OIT3: variants seen among roughly 807,000 people sequenced by gnomAD.
OIT3 encodes the protein oncoprotein-induced transcript 3 protein.
A neutral mutation model predicts 52.2 loss-of-function variants in OIT3; 41 were observed. The observed-to-expected ratio is 0.79, with a 90% CI of 0.61 to 1.02. The LOEUF (loss-of-function observed/expected upper bound fraction) is 1.02, where lower values mean the gene tolerates loss of function less well. OIT3 is among the 50% of genes least tolerant of loss of function. The probability of loss-of-function intolerance (pLI) is 0.00; values close to 1 mark genes in which losing one functional copy is unlikely to be tolerated. For missense variants in OIT3, 634 were observed against 715.5 expected, an observed-to-expected ratio of 0.89 and a Z score of 1.30; for synonymous variants, 244 against 276.9, an observed-to-expected ratio of 0.88 and a Z score of 1.18.
intron 6 of OIT3, among the ~76,000 whole-genome samples, chr10:72,919,643 C>T (rs892242299): frequency 1.3e-5 from 2 of 151,946 alleles, no homozygotes; most frequent in African/African-American, 2.4e-5. Context: ...GTTTATTGAG[C>T]GTTTTTAACA....
chr10:72,913,440 C>T lies in OIT3; in HGVS notation c.923C>T (p.Ser308Phe). The T allele has an allele frequency of 6.2e-7, 1 of 1,612,376 alleles. No homozygotes were observed. Among genetic ancestry groups the T allele is most frequent in the Middle Eastern group, 1.7e-4 (1 of 6,052 alleles). The part of the protein sequence containing the change: ...SNGTHVNILF[S>F]LKTCGTVVDV... ...GGCACCCATGTCAACATCCTCTTCT[C>T]TCTCAAGACATGTGGTACAGTGGTC... Residue 308 changes from serine to phenylalanine, a missense_variant, in exon 6 of 9, where the codon TCT becomes TTT. Ser to Phe is a radical substitution (Grantham distance 155). Coordinates refer to ENST00000334011, the MANE Select transcript of OIT3 (RefSeq NM_152635.3).
rs186147907 is a variant in OIT3, at chr10:72,902,969, A to G, written c.544+2485A>G. 1.2e-4 allele frequency among the ~76,000 whole-genome samples: 18 copies of G among 152,262 alleles called. No individual in the cohort carries two copies. In the East Asian group the frequency reaches 3.5e-3, roughly 29 times the overall value. ...ACATCTCTTCCTTAATTTATCTTAG[A>G]CAATCTTTTTCTATCAAAGCCCCAA... is the stretch of plus-strand genomic sequence containing the variant. On this transcript the variant is annotated intron_variant, in intron 3 of 8. Coordinates refer to ENST00000334011, the MANE Select transcript of OIT3 (RefSeq NM_152635.3).
Position 72,898,888 on chromosome 10 carries a change from G to A in OIT3, c.286G>A (p.Gly96Ser), listed in dbSNP as rs1214482931. 1 of 1,614,190 alleles carries A rather than the reference G, an allele frequency of 6.2e-7. No individual in the cohort carries two copies. The highest frequency in any genetic ancestry group is 8.5e-7 in the Non-Finnish European group (1 of 1,180,040). ...GCTCAATGGCAGCCACCCCCTAGAA[G>A]GCGACGGCATTGTGCAACGCCAGGC... ...VWLNGSHPLE[G>S]DGIVQRQACA... Residue 96 changes from glycine to serine, a missense_variant, in exon 2 of 9, where the codon GGC becomes AGC. Coordinates refer to ENST00000334011, the MANE Select transcript of OIT3 (RefSeq NM_152635.3).
Position 72,924,558 on chromosome 10 carries a change from C to A in OIT3, c.1281C>A (p.Ser427Arg). 6.2e-7 allele frequency: 1 copy of A among 1,614,114 alleles called. No individual in the cohort carries two copies. The highest frequency in any genetic ancestry group is 8.5e-7 in the Non-Finnish European group (1 of 1,180,012). The change falls in exon 7 of 9, where the codon AGC becomes AGA. Residue 427 changes from serine to arginine, a missense_variant. Transcript: ENST00000334011. ...GCATTGAGCCCGTGGTGCACGTGAG[C>A]GGCTTGGAAAGCTTGGTGGAGAGCT... is the stretch of plus-strand genomic sequence containing the variant. ...YFGIEPVVHV[S>R]GLESLVESCF...
Position 72,932,682 on chromosome 10 carries a change from G to C in OIT3, c.*158G>C. The stretch of plus-strand genomic sequence containing the variant: ...ACTCACTCTGATTCTGGTCCATTCA[G>C]TGGGCACAGGTCACAGCACTGCTGA... On this transcript the variant is annotated 3_prime_UTR_variant, in exon 9 of 9. Transcript: ENST00000334011. The C allele has an allele frequency of 3.1e-6, 2 of 635,128 alleles. No homozygotes were observed. Among genetic ancestry groups the C allele is most frequent in the East Asian group, 5.7e-5 (2 of 34,992 alleles). 39.3% of individuals were successfully genotyped at this position (635,128 alleles called of 1,614,324 possible).
chr10:72,910,902 A>G (rs188675971), intron 4 of OIT3, among the ~76,000 whole-genome samples: 5 of 152,342 alleles, frequency 3.3e-5, no homozygotes, highest in African/African-American at 9.6e-5. Flanking sequence ...TGTGCCAATA[A>G]AACTTTATTT....
Position 72,906,689 on chromosome 10 carries a change from T to C in OIT3, c.638T>C (p.Val213Ala), listed in dbSNP as rs1315354225. The change falls in exon 4 of 9, where the codon GTG becomes GCG. Residue 213 changes from valine (V) to alanine (A), a missense_variant. Physicochemically the swap from Val to Ala is moderately conservative, Grantham distance 64. Coordinates refer to ENST00000334011, the MANE Select transcript of OIT3 (RefSeq NM_152635.3). The part of the protein sequence containing the change: ...SYRCECGVGR[V>A]LRSDGKTCED... ...CGCTGTGAGTGTGGGGTTGGCCGTG[T>C]GCTAAGAAGTGATGGCAAGACTTGT... 1.2e-5 allele frequency: 19 copies of C among 1,603,234 alleles called. No homozygotes were observed. The highest frequency in any genetic ancestry group is 1.4e-5 in the Non-Finnish European group (17 of 1,175,246).
chr10:72,902,402 T>C (rs544199107), intron 3 of OIT3, among the ~76,000 whole-genome samples: 1 of 152,172 alleles, frequency 6.6e-6, no homozygotes. Context: ...ACTGTCCAGC[T>C]CTCAGTCACC....
chr10:72,930,518 G>GCTAT lies in OIT3; in HGVS notation c.1368-17_1368-14dup, dbSNP rs761118479. ...CTGTTGAAACAATCAAGTCTTATGT[G>GCTAT]CTATCTGCCCTACTTTCAGCTGTGT... On this transcript the variant is annotated intron_variant, in intron 7 of 8. Coordinates refer to ENST00000334011, the MANE Select transcript of OIT3 (RefSeq NM_152635.3). 27 of 1,549,158 alleles carry GCTAT rather than the reference G, an allele frequency of 1.7e-5. No individual in the cohort carries two copies. In the East Asian group the frequency reaches 5.4e-4, roughly 31 times the overall value.
Position 72,932,407 on chromosome 10 carries a change from C to CAA in OIT3, c.1521_1522insAA (p.Arg508AsnfsTer28). The CAA allele has an allele frequency of 1.9e-6, 3 of 1,614,214 alleles. No homozygotes were observed. Among genetic ancestry groups the CAA allele is most frequent in the Non-Finnish European group, 2.5e-6 (3 of 1,180,032 alleles). ...TCTGTGGAGTGTTGGACGAGCGTTC[C>CAA]CGCTGTGCCCAGGGTTGCCACCGGC... On this transcript the variant is annotated frameshift_variant, in exon 9 of 9. Transcript: ENST00000334011. LOFTEE classifies it low-confidence loss of function (END_TRUNC).
At chr10:72,903,699 T>C (rs1281074872) in intron 3 of OIT3, among the ~76,000 whole-genome samples, 2 of 152,212 alleles carry the variant, frequency 1.3e-5, no homozygotes, top group Admixed American at 6.5e-5. Context: ...TAACAATAGA[T>C]AGCATTGTTT....
At chr10:72,917,192 T>TGCCAA (rs1846080296) in intron 6 of OIT3, among the ~76,000 whole-genome samples, 2 of 152,214 alleles carry the variant, frequency 1.3e-5, no homozygotes, top group African/African-American at 4.8e-5. Context: ...ATGTTTGCTT[T>TGCCAA]TATTGCAATT....
rs763424739 is a variant in OIT3 at position 72,932,373 on chromosome 10, G to A, written c.1487G>A (p.Arg496Gln). ...KDHKEVFLHCRVLVCGVLDER... is the reference protein window; with the variant it reads ...KDHKEVFLHCQVLVCGVLDER... The stretch of plus-strand genomic sequence containing the variant: ...CTTCAGGAAGTGTTTCTGCACTGCC[G>A]GGTTCTTGTCTGTGGAGTGTTGGAC... Residue 496 changes from arginine to glutamine, a missense_variant, in exon 9 of 9, where the codon CGG becomes CAG. Physicochemically the swap from Arg to Gln is conservative, Grantham distance 43. Transcript: ENST00000334011. 10 of 1,614,038 alleles carry A rather than the reference G, an allele frequency of 6.2e-6. No individual in the cohort carries two copies. The African/African-American group carries it at 9.3e-5, about 15-fold the overall frequency.
chr10:72,904,300 G>A (rs944513436), intron 3 of OIT3, among the ~76,000 whole-genome samples: 3 of 152,128 alleles, frequency 2.0e-5, no homozygotes, highest in Non-Finnish European at 4.4e-5. Context: ...GCTCCCGGCC[G>A]AATAAAGCCC....
chr10:72,897,557 A>G (rs1845885267), intron 1 of OIT3, among the ~76,000 whole-genome samples: 3 of 152,204 alleles, frequency 2.0e-5, no homozygotes, highest in South Asian at 4.1e-4. Flanking sequence ...ACATGCTAGT[A>G]TACTCTGTAT....
intron 6 of OIT3, among the ~76,000 whole-genome samples, chr10:72,916,435 C>G (rs1329886595): frequency 6.6e-6 from 1 of 152,112 alleles, no homozygotes; most frequent in African/African-American, 2.4e-5. Context: ...ATTTGGTTTT[C>G]TGTTCCTGTG....
chr10:72,911,183 C>A (rs969469740), intron 4 of OIT3, among the ~76,000 whole-genome samples: 1 of 152,112 alleles, frequency 6.6e-6, no homozygotes, highest in African/African-American at 2.4e-5. Flanking sequence ...GTTGTCCAGG[C>A]CTCCTTTTTA....
At chr10:72,911,664 C>A in intron 4 of OIT3, 53 bp from the exon 5 acceptor site, 1 of 1,575,156 alleles carries the variant, frequency 6.3e-7, no homozygotes, top group Non-Finnish European at 8.6e-7. Flanking sequence ...TGCCAGAATT[C>A]TTGGGGTAGA....
chr10:72,918,397 CTG>C (rs1846092381), intron 6 of OIT3: 1 of 778,594 alleles, frequency 1.3e-6, no homozygotes, highest in African/African-American at 1.7e-5. Context: ...CTTAAACTGA[CTG>C]TTTTTAAAGA....
Sources: gnomAD v4.1 joint callset for allele counts (sites outside exome capture counted in the v4.1 genomes callset) on GRCh38, gnomAD v4.1.1 for gene constraint, MANE v1.5 for transcripts, NCBI Gene and HGNC (gene_info 2026-07-23, HGNC 2026-07-21) for gene names.